Variants in PTPRT observed in about 807,000 individuals in gnomAD.
PTPRT encodes receptor-type tyrosine-protein phosphatase T.
Under a neutral mutation model 176.8 loss-of-function variants are expected in PTPRT, and 56 were observed. That is an observed-to-expected ratio of 0.32 (90% confidence interval 0.26 to 0.40). The LOEUF (loss-of-function observed/expected upper bound fraction) is 0.40, where lower values mean the gene tolerates loss of function less well. Among genes scored for constraint, PTPRT ranks in the 10% least tolerant of loss-of-function variants. PTPRT has a pLI of 1.00. For missense variants in PTPRT, 1,540 were observed against 1,908.2 expected, an observed-to-expected ratio of 0.81 and a Z score of 3.60; for synonymous variants, 783 against 739.0, an observed-to-expected ratio of 1.06 and a Z score of -0.96.
At chr20:42,175,013 C>T (rs1387328531) in intron 16 of PTPRT, among the ~76,000 whole-genome samples, 1 of 152,024 alleles carries the variant, frequency 6.6e-6, no homozygotes, top group Non-Finnish European at 1.5e-5. Context: ...GGCCAGGATC[C>T]TCAAATCTGC....
chr20:43,022,071 C>T (rs185041712), intron 1 of PTPRT, among the ~76,000 whole-genome samples: 1 of 152,334 alleles, frequency 6.6e-6, no homozygotes, highest in East Asian at 1.9e-4. Context: ...GCCAGAACTC[C>T]ATCGTGTGGT....
chr20:42,692,989 C>T lies in PTPRT; in HGVS notation c.860-14830G>A, dbSNP rs151314037. ...TTTGGAAGATGGTAATATGGGTGTA[C>T]ATGTATATGAAAGACATTGAGCTAT... On this transcript the variant is annotated intron_variant, in intron 6 of 30. Transcript: ENST00000373187. Among the ~76,000 whole-genome samples the T allele has an allele frequency of 6.5e-3, 988 of 152,220 alleles. 10 individuals carry two copies. The highest frequency in any genetic ancestry group is 0.023 in the African/African-American group (938 of 41,542).
intron 2 of PTPRT, among the ~76,000 whole-genome samples, chr20:42,827,292 C>T (rs1180893020): frequency 6.6e-6 from 1 of 152,102 alleles, no homozygotes; most frequent in East Asian, 1.9e-4. Flanking sequence ...TAAAAGTGAA[C>T]ACAATATGAC....
chr20:42,779,939 T>C lies in PTPRT; in HGVS notation c.568+279A>G, dbSNP rs568117829. Among the ~76,000 whole-genome samples the C allele has an allele frequency of 9.4e-4, 143 of 151,828 alleles. 4 individuals carry two copies. The highest frequency in any genetic ancestry group is 2.2e-3 in the Admixed American group (34 of 15,254). ...TGGTCTGAATCCCACTAATAAACAATCAGGACTTTAGACTCCCTTAATAAT... is the reference window on the plus strand; with the variant it reads ...TGGTCTGAATCCCACTAATAAACAACCAGGACTTTAGACTCCCTTAATAAT... On this transcript the variant is annotated intron_variant, in intron 4 of 30. Transcript: ENST00000373187.
At chr20:43,120,235 T>C (rs556353271) in intron 1 of PTPRT, among the ~76,000 whole-genome samples, 1 of 152,088 alleles carries the variant, frequency 6.6e-6, no homozygotes, top group East Asian at 1.9e-4. Flanking sequence ...TGGCCAATTA[T>C]AATACTGGGA....
At chr20:43,072,206 G>A (rs2011190501) in intron 1 of PTPRT, among the ~76,000 whole-genome samples, 1 of 152,182 alleles carries the variant, frequency 6.6e-6, no homozygotes, top group South Asian at 2.1e-4. Context: ...AACAATCCCT[G>A]CAACAAATTA....
chr20:42,985,037 T>C (rs1013726435), intron 1 of PTPRT, among the ~76,000 whole-genome samples: 18 of 152,058 alleles, frequency 1.2e-4, no homozygotes, highest in African/African-American at 4.1e-4. Context: ...GACATGAAGA[T>C]TGAGTGAATA....
At chr20:43,090,270 A>ATT (rs747388327) in intron 1 of PTPRT, among the ~76,000 whole-genome samples, 184 of 142,818 alleles carry the variant, frequency 1.3e-3, no homozygotes, top group East Asian at 8.2e-3. Context: ...ACAGGTGACT[A>ATT]TTTTTTTTTT....
At chr20:42,535,941 T>A (rs2072469168) in intron 7 of PTPRT, among the ~76,000 whole-genome samples, 1 of 152,166 alleles carries the variant, frequency 6.6e-6, no homozygotes, top group Non-Finnish European at 1.5e-5. Context: ...AGTGACCTCA[T>A]CTATAAACTG....
chr20:42,721,342 G>A (rs2076299393), intron 6 of PTPRT, among the ~76,000 whole-genome samples: 1 of 152,220 alleles, frequency 6.6e-6, no homozygotes, highest in Non-Finnish European at 1.5e-5. Context: ...AGATGAGATG[G>A]ATCCACAGGA....
At chr20:42,061,183 G>A in the PTPRT span, among the ~76,000 whole-genome samples, 1 of 152,166 alleles carries the variant, frequency 6.6e-6, no homozygotes. Flanking sequence ...TCTGATGGGG[G>A]TCAGGTAACC....
chr20:42,967,996 A>G (rs1982400760), intron 1 of PTPRT, among the ~76,000 whole-genome samples: 1 of 151,966 alleles, frequency 6.6e-6, no homozygotes, highest in South Asian at 2.1e-4. Flanking sequence ...CCCATCCCTT[A>G]TATCTGCCAA....
chr20:42,906,460 G>A lies in PTPRT; in HGVS notation c.89-20528C>T, dbSNP rs6103097. Among the ~76,000 whole-genome samples the A allele has an allele frequency of 4.5e-3, 681 of 152,240 alleles. 6 individuals are homozygous for A. Among genetic ancestry groups the A allele is most frequent in the African/African-American group, 0.015 (629 of 41,530 alleles). On this transcript the variant is annotated intron_variant, in intron 1 of 30. Transcript: ENST00000373187. ...TTTTCTCCAAGCCCACATGTGATCC[G>A]ATTCTTCCAGTATATCAAGGCAAGA...
intron 7 of PTPRT, among the ~76,000 whole-genome samples, chr20:42,604,523 T>C (rs2073838713): frequency 6.6e-6 from 1 of 152,106 alleles, no homozygotes; most frequent in Non-Finnish European, 1.5e-5. Flanking sequence ...TCTTTTTTTT[T>C]TCTCCTGATT....
intron 7 of PTPRT, among the ~76,000 whole-genome samples, chr20:42,664,984 A>G (rs1473567907): frequency 1.3e-5 from 2 of 152,356 alleles, no homozygotes; most frequent in Admixed American, 1.3e-4. Flanking sequence ...TAGATCTAAA[A>G]CCACAAAAAC....
At chr20:42,743,770 A>G (rs1243585435) in intron 6 of PTPRT, among the ~76,000 whole-genome samples, 2 of 152,228 alleles carry the variant, frequency 1.3e-5, no homozygotes, top group Non-Finnish European at 2.9e-5. Context: ...ACTGAACCTC[A>G]TCGATTACAT....
chr20:42,461,485 T>C (rs372106967), intron 8 of PTPRT, among the ~76,000 whole-genome samples: 15 of 152,022 alleles, frequency 9.9e-5, no homozygotes, highest in East Asian at 3.9e-4. Context: ...TACAGTGAGC[T>C]GATCATATCA....
intron 1 of PTPRT, among the ~76,000 whole-genome samples, chr20:42,976,399 TTTTA>T (rs1171288703): frequency 6.6e-6 from 1 of 151,376 alleles, no homozygotes; most frequent in Non-Finnish European, 1.5e-5. Flanking sequence ...AGTATGCATT[TTTTA>T]TTTATTTTTT....
chr20:42,930,967 CCTT>C (rs1979810098), intron 1 of PTPRT, among the ~76,000 whole-genome samples: 1 of 152,000 alleles, frequency 6.6e-6, no homozygotes, highest in African/African-American at 2.4e-5. Context: ...ACAAAAAACT[CCTT>C]ATCTTTATGC....
Sources: gnomAD v4.1 joint callset for allele counts (sites outside exome capture counted in the v4.1 genomes callset) on GRCh38, gnomAD v4.1.1 for gene constraint, MANE v1.5 for transcripts, NCBI Gene and HGNC (gene_info 2026-07-23, HGNC 2026-07-21) for gene names.